WWOX: variants seen among roughly 807,000 people sequenced by gnomAD.
WWOX encodes the protein WW domain-containing oxidoreductase.
In WWOX, 69 loss-of-function variants were observed where a neutral mutation model predicts 46.2. The ratio of observed to expected loss-of-function variants is 1.49; its 90% CI spans 1.23 to 1.82. The LOEUF (loss-of-function observed/expected upper bound fraction) is 1.82. WWOX is among the 40% of genes most tolerant of loss of function. The pLI, the probability that WWOX is intolerant of heterozygous loss-of-function variation, is 0.00. For missense variants in WWOX, 919 were observed against 542.6 expected (o/e 1.69, Z -6.89); for synonymous variants, 359 against 202.6 (o/e 1.77, Z -6.56).
At chr16:79,089,240 C>T (rs2048908599) in intron 8 of WWOX, among the ~76,000 whole-genome samples, 1 of 151,908 alleles carries the variant, frequency 6.6e-6, no homozygotes, top group Non-Finnish European at 1.5e-5. Flanking sequence ...TTAGTCATCT[C>T]ACAAGATTTT....
intron 8 of WWOX, among the ~76,000 whole-genome samples, chr16:78,864,369 G>C (rs2151195442): frequency 6.6e-6 from 1 of 151,852 alleles, no homozygotes; most frequent in South Asian, 2.1e-4. Flanking sequence ...TGGGGCTCAA[G>C]CCATCCTCCC....
intron 8 of WWOX, among the ~76,000 whole-genome samples, 170 bp downstream of exon 8, chr16:78,432,922 CTGTT>C (rs1332282636): frequency 1.3e-5 from 2 of 152,136 alleles, no homozygotes; most frequent in African/African-American, 2.4e-5. Context: ...TAGGTTAAGT[CTGTT>C]TGGGTAAATG....
intron 8 of WWOX, chr16:79,202,760 G>C (rs767767590): frequency 4.6e-5 from 7 of 152,162 alleles, no homozygotes; most frequent in Non-Finnish European, 7.3e-5. Context: ...AGCATGCATA[G>C]CTTGTTAGTA....
intron 8 of WWOX, among the ~76,000 whole-genome samples, chr16:78,951,510 T>G (rs200440916): frequency 9.6e-6 from 1 of 104,094 alleles, no homozygotes; most frequent in East Asian, 2.6e-4. Context: ...ATGAAGTACC[T>G]CACAGTAAAG....
Position 78,425,877 on chromosome 16 carries a change from CCTT to C in WWOX, c.791+828_791+830del, listed in dbSNP as rs1390028543. Among the ~76,000 whole-genome samples the C allele has an allele frequency of 3.3e-5, 5 of 152,120 alleles. No homozygotes were observed. The East Asian group carries it at 5.8e-4, about 18-fold the overall frequency. On this transcript the variant is annotated intron_variant, in intron 7 of 8. Transcript: ENST00000566780. The stretch of plus-strand genomic sequence containing the variant: ...ACGTGCAAGGGGCCTATTTTTTCCT[CCTT>C]CTTCTCCGTCTTAAGTCCTGAAATG...
intron 8 of WWOX, among the ~76,000 whole-genome samples, chr16:78,589,431 A>G (rs114929077): frequency 0.011 from 1,745 of 152,226 alleles, 30 homozygotes; most frequent in African/African-American, 0.039. Flanking sequence ...AAGGGGGCTG[A>G]TGCCTTCTTT....
At chr16:78,437,301 T>C (rs2083355853) in intron 8 of WWOX, among the ~76,000 whole-genome samples, 1 of 152,346 alleles carries the variant, frequency 6.6e-6, no homozygotes, top group East Asian at 1.9e-4. Context: ...GGAGTCGGGC[T>C]ATTTTAAGTG....
intron 8 of WWOX, among the ~76,000 whole-genome samples, chr16:78,992,683 A>T (rs1275912098): frequency 2.6e-5 from 4 of 152,142 alleles, no homozygotes; most frequent in Non-Finnish European, 4.4e-5. Context: ...CCTCAAGCCT[A>T]ACCAACAAGA....
chr16:79,092,552 G>A (rs1041117506), intron 8 of WWOX, among the ~76,000 whole-genome samples: 13 of 152,156 alleles, frequency 8.5e-5, no homozygotes, highest in Non-Finnish European at 1.9e-4. Flanking sequence ...CTGCAGTTCA[G>A]GGAAAAGGCC....
chr16:78,854,674 G>A (rs561457007), intron 8 of WWOX, among the ~76,000 whole-genome samples: 35 of 152,060 alleles, frequency 2.3e-4, no homozygotes, highest in Admixed American at 1.4e-3. Flanking sequence ...TCCGCCTCCC[G>A]GGTTCAAGTG....
chr16:78,444,755 C>G (rs2083519843), intron 8 of WWOX, among the ~76,000 whole-genome samples: 1 of 152,076 alleles, frequency 6.6e-6, no homozygotes, highest in Non-Finnish European at 1.5e-5. Context: ...TGGTCTCGAT[C>G]TCCTGACCTC....
intron 8 of WWOX, among the ~76,000 whole-genome samples, chr16:78,926,199 C>G (rs573931080): frequency 1.3e-5 from 2 of 151,922 alleles, no homozygotes; most frequent in Non-Finnish European, 2.9e-5. Flanking sequence ...CATGGCAAAA[C>G]CTTACCTCTC....
Position 78,626,104 on chromosome 16 carries a change from G to A in WWOX, c.1056+193352G>A, listed in dbSNP as rs200626915. On this transcript the variant is annotated intron_variant, in intron 8 of 8. Transcript: ENST00000566780. ...ACCTAATGACTTTTTTGTGTTCCAG[G>A]AGCCCATCCAGGATACCACTTTTAT... is the stretch of plus-strand genomic sequence containing the variant. Among the ~76,000 whole-genome samples the A allele has an allele frequency of 7.3e-5, 11 of 151,582 alleles. No homozygotes were observed. In the East Asian group the frequency reaches 2.2e-3, roughly 30 times the overall value.
intron 8 of WWOX, among the ~76,000 whole-genome samples, chr16:78,912,759 C>G (rs2045144360): frequency 1.3e-5 from 2 of 152,072 alleles, no homozygotes; most frequent in Admixed American, 6.5e-5. Flanking sequence ...TTCTCTAAAA[C>G]CAACTTCTAG....
At chr16:78,665,130 C>A (rs2047301149) in intron 8 of WWOX, among the ~76,000 whole-genome samples, 1 of 152,084 alleles carries the variant, frequency 6.6e-6, no homozygotes, top group South Asian at 2.1e-4. Context: ...GAGCCCGGGG[C>A]TTTGTGGAAT....
rs575166677 is a variant in WWOX, at chr16:78,955,039, AT to A, written c.1057-256567del. Among the ~76,000 whole-genome samples, 87 of 152,274 alleles carry A rather than the reference AT, an allele frequency of 5.7e-4. No homozygotes were observed. In the South Asian group the frequency reaches 8.5e-3, roughly 15 times the overall value. On this transcript the variant is annotated intron_variant, in intron 8 of 8. Coordinates refer to ENST00000566780, the MANE Select transcript of WWOX (RefSeq NM_016373.4). ...TCCTGGCTTCAAGTGATCCTTCTGC[AT>A]TGTCCCCCACAAAGTATTGGGAATG...
At chr16:78,367,429 A>G (rs896389112) in intron 5 of WWOX, among the ~76,000 whole-genome samples, 1 of 151,782 alleles carries the variant, frequency 6.6e-6, no homozygotes, top group South Asian at 2.1e-4. Context: ...TTTTCAACTC[A>G]TCAGCTATCA....
intron 8 of WWOX, among the ~76,000 whole-genome samples, chr16:79,025,729 C>G (rs1277005899): frequency 3.3e-5 from 5 of 151,864 alleles, no homozygotes; most frequent in Non-Finnish European, 7.4e-5. Context: ...ATGATTTTCT[C>G]CATGGCCTTT....
At chr16:79,056,594 G>A (rs1183355861) in intron 8 of WWOX, among the ~76,000 whole-genome samples, 1 of 152,138 alleles carries the variant, frequency 6.6e-6, no homozygotes, top group South Asian at 2.1e-4. Flanking sequence ...AGGATGTTTA[G>A]CAGCATCCCT....
Sources: allele counts gnomAD v4.1 joint callset (sites outside exome capture counted in the v4.1 genomes callset), GRCh38; gene constraint gnomAD v4.1.1; transcripts MANE v1.5; gene names NCBI Gene and HGNC (gene_info 2026-07-23, HGNC 2026-07-21).